ANK2: variants seen among roughly 807,000 people sequenced by gnomAD.
ANK2 encodes the protein ankyrin-2.
A neutral mutation model predicts 360.5 loss-of-function variants in ANK2; 83 were observed. The ratio of observed to expected loss-of-function variants is 0.23; its 90% CI spans 0.19 to 0.28. The LOEUF (loss-of-function observed/expected upper bound fraction) is 0.28, where lower values mean the gene tolerates loss of function less well. Among genes scored for constraint, ANK2 ranks in the 10% least tolerant of loss-of-function variants. The pLI, the probability that ANK2 is intolerant of heterozygous loss-of-function variation, is 1.00. For synonymous variants in ANK2, 1,740 were observed against 1,759.5 expected (o/e 0.99, Z 0.28); for missense variants, 4,201 against 4,795.7 (o/e 0.88, Z 3.66).
At chr4:113,337,662 A>C (rs910213544) in intron 31 of ANK2, among the ~76,000 whole-genome samples, 1 of 151,326 alleles carries the variant, frequency 6.6e-6, no homozygotes, top group Non-Finnish European at 1.5e-5. Flanking sequence ...GTTTTCTTTA[A>C]TTCACCCTTC....
chr4:112,742,258 C>A, the ANK2 span, among the ~76,000 whole-genome samples: 2 of 152,316 alleles, frequency 1.3e-5, no homozygotes, highest in African/African-American at 4.8e-5. Context: ...CAGAGCGAGA[C>A]TCTGTCTCAG....
At chr4:113,250,460 T>C (rs1233251304) in intron 10 of ANK2, among the ~76,000 whole-genome samples, 1 of 152,218 alleles carries the variant, frequency 6.6e-6, no homozygotes, top group African/African-American at 2.4e-5. Context: ...GTTTTATCAA[T>C]ATGCTCAAAT....
At chr4:112,754,111 GTATATATATATATATATATATA>G in the ANK2 span, among the ~76,000 whole-genome samples, 10 of 111,446 alleles carry the variant, frequency 9.0e-5, no homozygotes, top group African/African-American at 2.5e-4. Flanking sequence ...AAAAAAAAAA[GTATATATATATATATATATATA>G]TATATATATA....
At chr4:113,257,946 A>C in intron 11 of ANK2, 104 bp from the exon 12 acceptor site, 1 of 1,099,576 alleles carries the variant, frequency 9.1e-7, no homozygotes, top group Non-Finnish European at 1.4e-6. Flanking sequence ...AGAAATGGTA[A>C]CATTATGTGA....
chr4:113,101,652 G>A (rs1042041432), intron 1 of ANK2, among the ~76,000 whole-genome samples: 1 of 151,986 alleles, frequency 6.6e-6, no homozygotes, highest in Non-Finnish European at 1.5e-5. Flanking sequence ...AGTGGAGTCT[G>A]TATTTCTATG....
In ANK2 at chr4:112,827,658, A is replaced by G. The variant is rs1017025681; in HGVS notation, c.-40+9394A>G. ...TGCAATTTACTGCCAAGGAAGACAC[A>G]AAGAGCATTGTTGCACTGTTCTGAA... On this transcript the variant is annotated intron_variant, in intron 1 of 30. Coordinates refer to the ANK2 transcript ENST00000503271. The G allele has an allele frequency of 1.5e-5, 11 of 725,810 alleles. No homozygotes were observed. In the Middle Eastern group the frequency reaches 2.0e-3, roughly 129 times the overall value. 45.0% of individuals were successfully genotyped at this position (725,810 alleles called of 1,614,324 possible). A position where few individuals can be genotyped will look rare whatever the true frequency, so the allele number is the denominator to read the frequency against.
At chr4:112,957,104 T>C (rs1282865633) in intron 2 of ANK2, among the ~76,000 whole-genome samples, 2 of 145,576 alleles carry the variant, frequency 1.4e-5, no homozygotes, top group Non-Finnish European at 3.0e-5. Context: ...GGAGGGAAGG[T>C]CAGCAGATAA....
intron 2 of ANK2, among the ~76,000 whole-genome samples, chr4:112,937,574 C>T (rs6533659): frequency 0.32 from 48,181 of 151,992 alleles, 9,532 homozygotes; most frequent in African/African-American, 0.56. Flanking sequence ...GTGATCCACC[C>T]GCCTCGGCCT....
At chr4:113,153,726 G>A (rs563802595) in intron 1 of ANK2, among the ~76,000 whole-genome samples, 2 of 152,226 alleles carry the variant, frequency 1.3e-5, no homozygotes, top group East Asian at 1.9e-4. Context: ...TTATGTCAGC[G>A]CCTCCCAAAG....
intron 1 of ANK2, among the ~76,000 whole-genome samples, chr4:113,137,785 C>T (rs899367472): frequency 6.6e-6 from 1 of 152,090 alleles, no homozygotes; most frequent in South Asian, 2.1e-4. Flanking sequence ...TATAGCTTAT[C>T]ATTATACAGA....
chr4:113,092,717 C>T (rs7688341), intron 1 of ANK2, among the ~76,000 whole-genome samples: 101,365 of 152,086 alleles, frequency 0.67, 33,897 homozygotes, highest in South Asian at 0.72. Context: ...ATACCTACCT[C>T]CTATTATTAT....
At chr4:113,370,565 C>G (rs142640184) in intron 43 of ANK2, among the ~76,000 whole-genome samples, 2,756 of 152,126 alleles carry the variant, frequency 0.018, 86 homozygotes, top group African/African-American at 0.061. Context: ...CGAGACCATC[C>G]TGGCTAACAT....
chr4:113,072,086 C>T (rs1334859976), intron 1 of ANK2: 1 of 152,158 alleles, frequency 6.6e-6, no homozygotes, highest in Non-Finnish European at 1.5e-5. Flanking sequence ...ATTATGGGAA[C>T]TACAATTCAA....
intron 1 of ANK2, among the ~76,000 whole-genome samples, chr4:113,103,886 T>C (rs985341246): frequency 6.6e-6 from 1 of 152,184 alleles, no homozygotes; most frequent in Non-Finnish European, 1.5e-5. Context: ...AATAAAATAC[T>C]GATATTTGGG....
intron 1 of ANK2, among the ~76,000 whole-genome samples, chr4:112,841,449 T>G (rs2062057495): frequency 6.6e-6 from 1 of 152,220 alleles, no homozygotes; most frequent in South Asian, 2.1e-4. Flanking sequence ...TGACCTGAGT[T>G]CTTTTTCAGG....
chr4:113,082,818 G>A (rs987263201), intron 1 of ANK2, among the ~76,000 whole-genome samples: 3 of 151,964 alleles, frequency 2.0e-5, no homozygotes, highest in Admixed American at 6.6e-5. Flanking sequence ...TCTTCTTAAC[G>A]TTTTATATAT....
At chr4:113,077,321 A>G (rs1314504963) in intron 1 of ANK2, among the ~76,000 whole-genome samples, 3 of 152,190 alleles carry the variant, frequency 2.0e-5, no homozygotes, top group African/African-American at 7.2e-5. Flanking sequence ...AAACAACACA[A>G]TGTAAATTGG....
chr4:112,850,236 C>T (rs2064350760), intron 1 of ANK2, among the ~76,000 whole-genome samples: 1 of 151,250 alleles, frequency 6.6e-6, no homozygotes, highest in African/African-American at 2.4e-5. Flanking sequence ...GAACCAGTTT[C>T]CATAAGAAAT....
chr4:113,151,082 G>A (rs1439788530), intron 1 of ANK2: 1 of 1,288,700 alleles, frequency 7.8e-7, no homozygotes, highest in African/African-American at 1.5e-5. Flanking sequence ...CACTACAGGT[G>A]ACATGCCCCC....
Sources: gnomAD v4.1 joint callset for allele counts (sites outside exome capture counted in the v4.1 genomes callset) on GRCh38, gnomAD v4.1.1 for gene constraint, MANE v1.5 for transcripts, NCBI Gene and HGNC (gene_info 2026-07-23, HGNC 2026-07-21) for gene names.